The following SND1 variants were observed in gnomAD, a reference collection of about 807,000 sequenced individuals.
SND1 encodes the protein staphylococcal nuclease and tudor domain containing 1.
Under a neutral mutation model 121.7 loss-of-function variants are expected in SND1, and 38 were observed. That is an observed-to-expected ratio of 0.31 (90% CI 0.24 to 0.41). The LOEUF is 0.41. Ranked by LOEUF, SND1 falls within the 10% of genes least tolerant of loss-of-function variation. SND1 has a pLI of 1.00. For synonymous variants in SND1, 401 were observed against 447.4 expected (o/e 0.90, Z 1.31); for missense variants, 868 against 1,184.6 (o/e 0.73, Z 3.92).
rs1554422865 is a variant in SND1 at position 127,764,056 on chromosome 7, A to AAAAAC, written c.1152+42661_1152+42665dup. ...CCTGTCGCAAAAAAAAAAAAAACAA[A>AAAAAC]AAAACAAAAAAACAAAAAACCCAAG... On this transcript the variant is annotated intron_variant, in intron 10 of 23. Coordinates refer to ENST00000354725, the MANE Select transcript of SND1 (RefSeq NM_014390.4). Among the ~76,000 whole-genome samples the AAAAAC allele has an allele frequency of 1.8e-3, 238 of 135,214 alleles. 5 individuals are homozygous for AAAAAC. Among genetic ancestry groups the AAAAAC allele is most frequent in the Middle Eastern group, 4.1e-3 (1 of 244 alleles). The allele number at this position is 135,214 out of a possible 152,430, so 88.7% of individuals were successfully genotyped here.
chr7:128,037,173 A>C (rs1792765277), intron 16 of SND1, among the ~76,000 whole-genome samples: 1 of 152,230 alleles, frequency 6.6e-6, no homozygotes, highest in South Asian at 2.1e-4. Flanking sequence ...CTGGAGGCTA[A>C]AAGTTCAAAA....
At chr7:127,828,686 A>G (rs910365432) in intron 11 of SND1, among the ~76,000 whole-genome samples, 2 of 152,210 alleles carry the variant, frequency 1.3e-5, no homozygotes, top group African/African-American at 2.4e-5. Flanking sequence ...ATTATTAAAT[A>G]TCATCACTGC....
At chr7:127,890,143 C>CGGAATATAAAGGG (rs1799983151) in intron 13 of SND1, among the ~76,000 whole-genome samples, 1 of 152,054 alleles carries the variant, frequency 6.6e-6, no homozygotes, top group Non-Finnish European at 1.5e-5. Context: ...ATATTCCCAC[C>CGGAATATAAAGGG]AGCAGTGTAC....
intron 12 of SND1, among the ~76,000 whole-genome samples, chr7:127,854,166 C>T (rs1270783962): frequency 6.6e-6 from 1 of 152,106 alleles, no homozygotes; most frequent in Non-Finnish European, 1.5e-5. Flanking sequence ...ACTCTGTTGC[C>T]CAGGCTGGAG....
chr7:127,757,536 T>A (rs1244371565), intron 10 of SND1, among the ~76,000 whole-genome samples: 1 of 152,248 alleles, frequency 6.6e-6, no homozygotes, highest in Non-Finnish European at 1.5e-5. Flanking sequence ...TTGTTCCACA[T>A]CCATGCCAAC....
chr7:127,676,404 T>A (rs780011000), intron 1 of SND1, among the ~76,000 whole-genome samples: 9 of 152,174 alleles, frequency 5.9e-5, no homozygotes, highest in Admixed American at 1.3e-4. Flanking sequence ...TACTTATAGA[T>A]GAAGGAATAT....
chr7:128,022,809 G>C (rs1336606610), intron 16 of SND1, among the ~76,000 whole-genome samples: 1 of 151,096 alleles, frequency 6.6e-6, no homozygotes, highest in Admixed American at 6.6e-5. Flanking sequence ...CTGAAGGCTG[G>C]GTTGCTTCCC....
At position 127,851,309 on chromosome 7, in the gene SND1, C is replaced by G. The variant is rs17151441; in HGVS notation, c.1343+6885C>G. ...TTGGGAAGCTCCCCCTTGTCAGTTTCCCAAAGTGTACCATGGAGAGCCCAG... is the reference window on the plus strand; with the variant it reads ...TTGGGAAGCTCCCCCTTGTCAGTTTGCCAAAGTGTACCATGGAGAGCCCAG... On this transcript the variant is annotated intron_variant, in intron 12 of 23. Coordinates refer to ENST00000354725, the MANE Select transcript of SND1 (RefSeq NM_014390.4). 4.4e-3 allele frequency among the ~76,000 whole-genome samples: 664 copies of G among 152,294 alleles called. 7 individuals are homozygous for G. Among genetic ancestry groups the G allele is most frequent in the African/African-American group, 0.015 (638 of 41,562 alleles).
Position 127,844,375 on chromosome 7 carries a change from G to A in SND1, c.1294G>A (p.Val432Met). The change falls in exon 12 of 24, where the codon GTG becomes ATG. Residue 432 changes from valine to methionine, a missense_variant. Coordinates refer to ENST00000354725, the MANE Select transcript of SND1 (RefSeq NM_014390.4). ...IRPASPATET[V>M]PAFSERTCAT... ...ACCAGCCAGCCCAGCCACAGAGACA[G>A]TGCCTGCCTTTTCAGAGCGTACCTG... The A allele has an allele frequency of 6.2e-7, 1 of 1,613,726 alleles. No homozygotes were observed.
At chr7:127,694,554 G>A in intron 2 of SND1, 1 of 389,666 alleles carries the variant, frequency 2.6e-6, no homozygotes, top group East Asian at 4.5e-5. Context: ...ACAGTGATAG[G>A]GAAAAAGTCC....
At chr7:127,878,953 G>C (rs1157760618) in intron 12 of SND1, among the ~76,000 whole-genome samples, 1 of 151,908 alleles carries the variant, frequency 6.6e-6, no homozygotes. Flanking sequence ...GAACAAAAAT[G>C]GGGACAAAAA....
intron 15 of SND1, among the ~76,000 whole-genome samples, chr7:127,985,016 T>C (rs1802352834): frequency 6.6e-6 from 1 of 152,240 alleles, no homozygotes; most frequent in Non-Finnish European, 1.5e-5. Flanking sequence ...GCATCTGCCA[T>C]TTCTATTTGA....
chr7:127,788,451 A>G (rs1362396915), intron 10 of SND1, among the ~76,000 whole-genome samples: 2 of 152,158 alleles, frequency 1.3e-5, no homozygotes, highest in African/African-American at 4.8e-5. Context: ...CCTTTTTTGT[A>G]CCTTTTAATT....
chr7:127,972,054 C>T (rs1802002608), intron 15 of SND1, among the ~76,000 whole-genome samples: 1 of 151,906 alleles, frequency 6.6e-6, no homozygotes, highest in South Asian at 2.1e-4. Context: ...GGATTATAGG[C>T]GTGAGCCACC....
chr7:128,029,999 G>A lies in SND1; in HGVS notation c.1779+38943G>A, dbSNP rs1212306570. The A allele has an allele frequency of 1.2e-6, 2 of 1,613,188 alleles. No homozygotes were observed. The highest frequency in any genetic ancestry group is 2.2e-5 in the South Asian group (2 of 91,088). ...GCTCCTCCAGCCCCACCAGGGGGGTGAGATTGGGCATGTCTTTAATGTTGC... is the reference window on the plus strand; with the variant it reads ...GCTCCTCCAGCCCCACCAGGGGGGTAAGATTGGGCATGTCTTTAATGTTGC... On this transcript the variant is annotated intron_variant, in intron 16 of 23. Coordinates refer to ENST00000354725, the MANE Select transcript of SND1 (RefSeq NM_014390.4). The surrounding 1 kb of genome is among the most constrained non-coding windows in gnomAD (Gnocchi z 4.2).
At chr7:127,693,225 A>G (rs712716) in intron 2 of SND1, among the ~76,000 whole-genome samples, 90,869 of 151,902 alleles carry the variant, frequency 0.6, 27,586 homozygotes, top group East Asian at 0.87. Context: ...TCATTTGTCA[A>G]TCATCAGACT....
At chr7:127,952,253 G>T (rs900709460) in intron 15 of SND1, among the ~76,000 whole-genome samples, 3 of 152,196 alleles carry the variant, frequency 2.0e-5, no homozygotes, top group African/African-American at 7.2e-5. Context: ...AGCAGGTTTT[G>T]ATCTTGATTT....
intron 12 of SND1, among the ~76,000 whole-genome samples, chr7:127,880,359 A>G (rs1799767481): frequency 6.6e-6 from 1 of 152,150 alleles, no homozygotes. Context: ...GTTCAGTACT[A>G]TGTGCAATTT....
chr7:127,770,582 G>T (rs1457136072), intron 10 of SND1, among the ~76,000 whole-genome samples: 1 of 152,154 alleles, frequency 6.6e-6, no homozygotes, highest in Admixed American at 6.5e-5. Flanking sequence ...CTTGTACAAG[G>T]TCTAATAGCT....
Sources: allele counts gnomAD v4.1 joint callset (sites outside exome capture counted in the v4.1 genomes callset), GRCh38; gene constraint gnomAD v4.1.1; non-coding constraint Gnocchi (gnomAD v3.1); transcripts MANE v1.5; gene names NCBI Gene and HGNC (gene_info 2026-07-23, HGNC 2026-07-21).